Variants in PIGR observed in about 807,000 individuals in gnomAD.
PIGR encodes the protein polymeric immunoglobulin receptor.
In PIGR, 22 loss-of-function variants were observed where a neutral mutation model predicts 69.5. The ratio of observed to expected loss-of-function variants is 0.32; its 90% CI spans 0.23 to 0.45. The LOEUF is 0.45. Ranked by LOEUF, PIGR falls within the 20% of genes least tolerant of loss-of-function variation. The pLI, the probability that PIGR is intolerant of heterozygous loss-of-function variation, is 1.00. For synonymous variants in PIGR, 413 were observed against 407.6 expected, an observed-to-expected ratio of 1.01 and a Z score of -0.16; for missense variants, 885 against 974.0, an observed-to-expected ratio of 0.91 and a Z score of 1.22.
chr1:206,937,444 A>T lies in PIGR; in HGVS notation c.696T>A (p.Asn232Lys). Residue 232 changes from asparagine (N) to lysine (K), a missense_variant, in exon 4 of 11, where the codon AAT becomes AAA. Asn to Lys is a moderately conservative substitution (Grantham distance 94, BLOSUM62 0). Transcript: ENST00000356495. The stretch of plus-strand genomic sequence containing the variant: ...CGGGCTTTAGCACTTGGAGGTCAGC[A>T]TTCTTCTTATTACTATTGGAATCAT... ...AGDDSNSNKKNADLQVLKPEP... is the reference protein window; with the variant it reads ...AGDDSNSNKKKADLQVLKPEP... The T allele has an allele frequency of 6.2e-7, 1 of 1,614,192 alleles. No homozygotes were observed. The highest frequency in any genetic ancestry group is 8.5e-7 in the Non-Finnish European group (1 of 1,180,032).
rs1422352463 is a variant in PIGR at position 206,928,837 on chromosome 1, A to G, written c.*1481T>C. ...CTTCTCCCTCCTCCTCCTTATTCTAAAACTGTGCCTCCAACAGAGGGGCAG... is the reference window on the plus strand; with the variant it reads ...CTTCTCCCTCCTCCTCCTTATTCTAGAACTGTGCCTCCAACAGAGGGGCAG... On this transcript the variant is annotated 3_prime_UTR_variant, in exon 11 of 11. Coordinates refer to ENST00000356495, the MANE Select transcript of PIGR (RefSeq NM_002644.4). The G allele has an allele frequency of 3.3e-5, 5 of 152,488 alleles. No individual in the cohort carries two copies. Among genetic ancestry groups the G allele is most frequent in the African/African-American group, 1.2e-4 (5 of 41,378 alleles). The allele number at this position is 152,488 out of a possible 1,614,324, so 9.4% of individuals were successfully genotyped here. A position where few individuals can be genotyped will look rare whatever the true frequency, so the allele number is the denominator to read the frequency against.
At chr1:206,932,110 A>G (rs948406009) in intron 8 of PIGR, among the ~76,000 whole-genome samples, 2 of 152,098 alleles carry the variant, frequency 1.3e-5, no homozygotes, top group Non-Finnish European at 2.9e-5. Flanking sequence ...CCATGAGGAA[A>G]CTGAGGCATG....
intron 2 of PIGR, 77 bp downstream of exon 2, chr1:206,940,412 G>A: frequency 7.3e-7 from 1 of 1,363,236 alleles, no homozygotes. Context: ...TGATTTTAGT[G>A]TCCCCAGGGA....
chr1:206,940,376 G>A, intron 2 of PIGR, 113 bp downstream of exon 2: 1 of 993,726 alleles, frequency 1.0e-6, no homozygotes, highest in South Asian at 1.7e-5. Flanking sequence ...TGCCAACTTT[G>A]AGAGGGACAT....
At position 206,935,299 on chromosome 1, in the gene PIGR, ATGT is replaced by A. The variant is rs2102599233; in HGVS notation, c.1378+184_1378+186del. ...CATGTTCTTGGTAGTAGGAGGTACCATGTATGGTAATTCAGAGTGTAAGGTGCG... is the reference window on the plus strand; with the variant it reads ...CATGTTCTTGGTAGTAGGAGGTACCAATGGTAATTCAGAGTGTAAGGTGCG... On this transcript the variant is annotated intron_variant, in intron 5 of 10. Transcript: ENST00000356495. This position sits in a 1 kb window ranked among gnomAD's most constrained non-coding sequence, Gnocchi z 4.4. 6.6e-6 allele frequency among the ~76,000 whole-genome samples: 1 copy of A among 152,324 alleles called. No homozygotes were observed. Among genetic ancestry groups the A allele is most frequent in the Non-Finnish European group, 1.5e-5 (1 of 68,026 alleles).
chr1:206,937,747 A>G lies in PIGR; in HGVS notation c.393T>C (p.Pro131=). ...AGACTTTAGTGTCATTTAGGAGCCC[A>G]GGACCTGCAGGATGAGGGGTGCAAG... The part of the protein sequence containing the change: ...FDVSLEVSQG[P]GLLNDTKVYT... The change falls in exon 4 of 11, where the codon CCT becomes CCC. Residue 131 remains proline (P), a synonymous_variant. Transcript: ENST00000356495. The G allele has an allele frequency of 6.2e-7, 1 of 1,613,660 alleles. No homozygotes were observed. Among genetic ancestry groups the G allele is most frequent in the Non-Finnish European group, 8.5e-7 (1 of 1,179,802 alleles).
In PIGR at chr1:206,937,417, C is replaced by A. The variant is rs1679887368; in HGVS notation, c.723G>T (p.Glu241Asp). The stretch of plus-strand genomic sequence containing the variant: ...TCAGGTCTTCATAAACCAGCTCGGG[C>A]TCGGGCTTTAGCACTTGGAGGTCAG... ...KNADLQVLKPEPELVYEDLRG... is the reference protein window; with the variant it reads ...KNADLQVLKPDPELVYEDLRG... Residue 241 changes from glutamate to aspartate, a missense_variant, in exon 4 of 11, where the codon GAG becomes GAT. Coordinates refer to ENST00000356495, the MANE Select transcript of PIGR (RefSeq NM_002644.4). 2 of 1,614,036 alleles carry A rather than the reference C, an allele frequency of 1.2e-6. No homozygotes were observed. The highest frequency in any genetic ancestry group is 1.7e-6 in the Non-Finnish European group (2 of 1,180,012).
chr1:206,940,389 C>A, intron 2 of PIGR, 100 bp downstream of exon 2: 1 of 1,159,370 alleles, frequency 8.6e-7, no homozygotes, highest in South Asian at 1.5e-5. Context: ...AGGGACATCC[C>A]TGGGGATGAG....
chr1:206,937,960 C>T (rs1426996312), intron 3 of PIGR, among the ~76,000 whole-genome samples: 1 of 152,190 alleles, frequency 6.6e-6, no homozygotes, highest in Non-Finnish European at 1.5e-5. Context: ...CTCTCCCTGC[C>T]CTGTGCTTTC....
Position 206,930,428 on chromosome 1 carries a change from G to A in PIGR, c.2200-15C>T. On this transcript the variant is annotated splice_polypyrimidine_tract_variant and intron_variant, in intron 10 of 10. Coordinates refer to ENST00000356495, the MANE Select transcript of PIGR (RefSeq NM_002644.4). The surrounding 1 kb of genome is among the most constrained non-coding windows in gnomAD (Gnocchi z 4.3). ...TCCTTGGATGACTAAGGGGCAAGAG[G>A]AGAGGCATCAGTGTTGGGGGCACTG... 1 of 1,611,836 alleles carries A rather than the reference G, an allele frequency of 6.2e-7. No homozygotes were observed. Among genetic ancestry groups the A allele is most frequent in the Non-Finnish European group, 8.5e-7 (1 of 1,178,974 alleles).
Position 206,935,655 on chromosome 1 carries a change from C to T in PIGR, c.1209G>A (p.Gly403=). ...GRCPLLVDSE[G]WVKAQYEGRL... is the part of the protein sequence containing the mutation. Reference sequence around the variant, plus strand: ...GGCCCTCGTACTGGGCCTTAACCCACCCCTCGCTGTCCACCAGCAGGGGGC... The same window carrying T: ...GGCCCTCGTACTGGGCCTTAACCCATCCCTCGCTGTCCACCAGCAGGGGGC... The change falls in exon 5 of 11, where the codon GGG becomes GGA. Residue 403 remains glycine, a synonymous_variant. Coordinates refer to ENST00000356495, the MANE Select transcript of PIGR (RefSeq NM_002644.4). This position sits in a 1 kb window ranked among gnomAD's most constrained non-coding sequence, Gnocchi z 4.4. The T allele has an allele frequency of 1.9e-6, 3 of 1,613,968 alleles. No homozygotes were observed. The highest frequency in any genetic ancestry group is 4.5e-5 in the East Asian group (2 of 44,876).
At position 206,940,598 on chromosome 1, in the gene PIGR, A is replaced by C; in HGVS notation, c.-53-14T>G. The C allele has an allele frequency of 6.9e-7, 1 of 1,459,380 alleles. No individual in the cohort carries two copies. Among genetic ancestry groups the C allele is most frequent in the Non-Finnish European group, 9.2e-7 (1 of 1,081,220 alleles). 90.4% of individuals were successfully genotyped at this position (1,459,380 alleles called of 1,614,324 possible). On this transcript the variant is annotated splice_polypyrimidine_tract_variant and intron_variant, in intron 1 of 10. Coordinates refer to ENST00000356495, the MANE Select transcript of PIGR (RefSeq NM_002644.4). Reference sequence around the variant, plus strand: ...TCCTGTGCAATGCTGAAAAACAATAATCACAAGGAGATGAAGCGCCCCTTG... The same window carrying C: ...TCCTGTGCAATGCTGAAAAACAATACTCACAAGGAGATGAAGCGCCCCTTG...
chr1:206,939,022 C>T, intron 3 of PIGR, 97 bp downstream of exon 3: 1 of 1,100,820 alleles, frequency 9.1e-7, no homozygotes. Flanking sequence ...AACCCGGCTA[C>T]ACATCCTTGT....
At chr1:206,942,973 T>C (rs893902314) in intron 1 of PIGR, among the ~76,000 whole-genome samples, 1 of 152,160 alleles carries the variant, frequency 6.6e-6, no homozygotes, top group South Asian at 2.1e-4. Flanking sequence ...TGAAGCACAA[T>C]TTCTCTAGTA....
At chr1:206,937,012 A>T in intron 4 of PIGR, 83 bp downstream of exon 4, 1 of 1,269,424 alleles carries the variant, frequency 7.9e-7, no homozygotes, top group Middle Eastern at 2.0e-4. Flanking sequence ...ATGACTATTG[A>T]TGAATACACT....
intron 6 of PIGR, 66 bp downstream of exon 6, chr1:206,934,354 G>A (rs908700): frequency 0.064 from 88,194 of 1,387,968 alleles, 13,262 homozygotes; most frequent in African/African-American, 0.56. Context: ...AAGCTCTCAG[G>A]CAGGGGCCTT....
chr1:206,933,713 A>G (rs897000762), intron 6 of PIGR, among the ~76,000 whole-genome samples: 2 of 152,230 alleles, frequency 1.3e-5, no homozygotes, highest in African/African-American at 2.4e-5. Flanking sequence ...AAATGAAGGT[A>G]TCTGGCCCTC....
At chr1:206,933,631 T>A (rs1201256406) in intron 6 of PIGR, among the ~76,000 whole-genome samples, 1 of 152,226 alleles carries the variant, frequency 6.6e-6, no homozygotes, top group Non-Finnish European at 1.5e-5. Context: ...AAACATTTCA[T>A]GTGAAATTTT....
chr1:206,936,957 C>T (rs1679872703), intron 4 of PIGR, 138 bp downstream of exon 4: 8 of 821,414 alleles, frequency 9.7e-6, no homozygotes, highest in Non-Finnish European at 1.4e-5. Flanking sequence ...CCCACGCAGC[C>T]TCCAGTTCGG....
Sources: allele counts gnomAD v4.1 joint callset (sites outside exome capture counted in the v4.1 genomes callset), GRCh38; gene constraint gnomAD v4.1.1; non-coding constraint Gnocchi (gnomAD v3.1); transcripts MANE v1.5; gene names NCBI Gene and HGNC (gene_info 2026-07-23, HGNC 2026-07-21).